Variants in ITFG1 observed in about 807,000 individuals in gnomAD.
The protein encoded by ITFG1 is T-cell immunomodulatory protein.
ITFG1 carries 34 observed loss-of-function variants against 81.8 expected under a neutral mutation model. The observed-to-expected ratio is 0.42, with a 90% CI of 0.32 to 0.55. The LOEUF (loss-of-function observed/expected upper bound fraction) is 0.55. Ranked by LOEUF, ITFG1 falls within the 20% of genes least tolerant of loss-of-function variation. The pLI, the probability that ITFG1 is intolerant of heterozygous loss-of-function variation, is 0.17. For missense variants in ITFG1, 672 were observed against 755.4 expected (o/e 0.89, Z 1.29); for synonymous variants, 285 against 270.6 (o/e 1.05, Z -0.52).
At chr16:47,181,430 C>T (rs1315838434) in intron 14 of ITFG1, among the ~76,000 whole-genome samples, 4 of 145,352 alleles carry the variant, frequency 2.8e-5, no homozygotes, top group African/African-American at 7.7e-5. Flanking sequence ...CCCGGCCAGC[C>T]GCCCCGTCCG....
intron 6 of ITFG1, among the ~76,000 whole-genome samples, chr16:47,392,828 C>T (rs1381745605): frequency 1.3e-5 from 2 of 152,164 alleles, no homozygotes; most frequent in Non-Finnish European, 2.9e-5. Flanking sequence ...ACACTGGTCT[C>T]ACAAAATTTA....
chr16:47,173,227 TCCTC>T (rs972384755), intron 14 of ITFG1, among the ~76,000 whole-genome samples: 1 of 152,100 alleles, frequency 6.6e-6, no homozygotes, highest in African/African-American at 2.4e-5. Flanking sequence ...TATTCCCTCT[TCCTC>T]CCACCCACAG....
In ITFG1 at chr16:47,393,597, G is replaced by A. The variant is rs558614954; in HGVS notation, c.656-17657C>T. Among the ~76,000 whole-genome samples the A allele has an allele frequency of 4.6e-5, 7 of 152,154 alleles. No homozygotes were observed. The East Asian group carries it at 1.4e-3, about 29-fold the overall frequency. ...AATATAAAAATTAGCTGGGCGTGGT[G>A]GCAAGAACTTGTAGTTCCAGCTACT... On this transcript the variant is annotated intron_variant, in intron 6 of 17. Coordinates refer to ENST00000320640, the MANE Select transcript of ITFG1 (RefSeq NM_030790.5).
intron 6 of ITFG1, among the ~76,000 whole-genome samples, chr16:47,410,749 T>G (rs182324674): frequency 6.6e-6 from 1 of 152,062 alleles, no homozygotes; most frequent in Non-Finnish European, 1.5e-5. Flanking sequence ...ACAACCCCCA[T>G]AGACGTTGGA....
At chr16:47,318,764 CA>C (rs551485934) in intron 8 of ITFG1, among the ~76,000 whole-genome samples, 1 of 151,814 alleles carries the variant, frequency 6.6e-6, no homozygotes, top group Non-Finnish European at 1.5e-5. Context: ...TTTTACAAAA[CA>C]AAAAGTTTTT....
At chr16:47,195,803 A>C (rs573914056) in intron 14 of ITFG1, among the ~76,000 whole-genome samples, 1 of 152,132 alleles carries the variant, frequency 6.6e-6, no homozygotes, top group Non-Finnish European at 1.5e-5. Context: ...GGTTTGTTAC[A>C]TAGGTATACG....
chr16:47,155,939 GTAGC>G (rs771612320), intron 17 of ITFG1, among the ~76,000 whole-genome samples, 161 bp from the exon 18 acceptor site: 9 of 152,088 alleles, frequency 5.9e-5, no homozygotes, highest in Non-Finnish European at 1.3e-4. Flanking sequence ...GTAGTTTATA[GTAGC>G]TATTTTATAA....
At chr16:47,442,436 T>C (rs1293046148) in intron 5 of ITFG1, among the ~76,000 whole-genome samples, 1 of 152,086 alleles carries the variant, frequency 6.6e-6, no homozygotes. Context: ...AGAGCCCGCA[T>C]TGCCAAGTCA....
chr16:47,265,778 G>C (rs1376055160), intron 10 of ITFG1, among the ~76,000 whole-genome samples: 1 of 152,048 alleles, frequency 6.6e-6, no homozygotes, highest in East Asian at 1.9e-4. Flanking sequence ...GAAATATAAA[G>C]GGTCTAAACA....
At chr16:47,370,970 T>C (rs1277359381) in intron 7 of ITFG1, among the ~76,000 whole-genome samples, 1 of 152,220 alleles carries the variant, frequency 6.6e-6, no homozygotes, top group Non-Finnish European at 1.5e-5. Flanking sequence ...CACTAGAAAT[T>C]ATTCCTAGTT....
chr16:47,258,787 C>G (rs1209518546), intron 11 of ITFG1, 47 bp from the exon 12 acceptor site: 2 of 793,392 alleles, frequency 2.5e-6, no homozygotes, highest in East Asian at 2.9e-5. Flanking sequence ...ATTAGACCAA[C>G]TAAAAAAAAA....
intron 8 of ITFG1, chr16:47,317,735 G>C (rs749219343): frequency 2.0e-5 from 3 of 152,202 alleles, no homozygotes; most frequent in Non-Finnish European, 4.4e-5. Flanking sequence ...ATTGATGCCA[G>C]GGGGTGCAAT....
At chr16:47,212,405 C>T (rs1965574480) in intron 14 of ITFG1, among the ~76,000 whole-genome samples, 2 of 151,788 alleles carry the variant, frequency 1.3e-5, no homozygotes. Context: ...TTTGTAGACA[C>T]AGGATCTCAC....
chr16:47,292,007 C>T (rs1966912483), intron 10 of ITFG1, among the ~76,000 whole-genome samples: 1 of 150,768 alleles, frequency 6.6e-6, no homozygotes, highest in South Asian at 2.1e-4. Flanking sequence ...TTCATGATGC[C>T]ATTTTTCCTT....
At chr16:47,360,585 T>C (rs545544337) in intron 8 of ITFG1, among the ~76,000 whole-genome samples, 14 of 152,202 alleles carry the variant, frequency 9.2e-5, no homozygotes, top group Admixed American at 7.8e-4. Flanking sequence ...TTTTATAATA[T>C]AATCATCACC....
intron 10 of ITFG1, among the ~76,000 whole-genome samples, chr16:47,279,169 G>A (rs181583364): frequency 5.9e-5 from 9 of 152,058 alleles, no homozygotes; most frequent in Admixed American, 4.6e-4. Flanking sequence ...TTTCTCTTTC[G>A]TTGACTGTGT....
At chr16:47,279,128 C>A (rs951079441) in intron 10 of ITFG1, among the ~76,000 whole-genome samples, 2 of 151,986 alleles carry the variant, frequency 1.3e-5, no homozygotes, top group African/African-American at 4.8e-5. Context: ...AAGTAAAGGT[C>A]TGAATTTTGA....
intron 14 of ITFG1, among the ~76,000 whole-genome samples, chr16:47,189,900 C>T (rs72814503): frequency 1.3e-5 from 2 of 152,342 alleles, no homozygotes; most frequent in Non-Finnish European, 2.9e-5. Flanking sequence ...GAAATCCACA[C>T]AGCTCCCATA....
intron 16 of ITFG1, 129 bp downstream of exon 16, chr16:47,161,621 G>T (rs868135879): frequency 1.8e-6 from 1 of 560,248 alleles, no homozygotes. Flanking sequence ...AAAGTTTGCC[G>T]TAAGCAAATT....
Sources: gnomAD v4.1 joint callset for allele counts (sites outside exome capture counted in the v4.1 genomes callset) on GRCh38, gnomAD v4.1.1 for gene constraint, MANE v1.5 for transcripts, NCBI Gene and HGNC (gene_info 2026-07-23, HGNC 2026-07-21) for gene names.